RIN2: variants seen among roughly 807,000 people sequenced by gnomAD.
RIN2 encodes Ras and Rab interactor 2.
In RIN2, 36 loss-of-function variants were observed where a neutral mutation model predicts 78.0. The observed-to-expected ratio is 0.46, with a 90% confidence interval of 0.35 to 0.61. The LOEUF (loss-of-function observed/expected upper bound fraction) is 0.61, where lower values mean the gene tolerates loss of function less well. RIN2 is among the 20% of genes least tolerant of loss of function. The pLI, the probability that RIN2 is intolerant of heterozygous loss-of-function variation, is 0.00. For synonymous variants in RIN2, 466 were observed against 466.8 expected (o/e 1.00, Z 0.02); for missense variants, 1,087 against 1,159.7 (o/e 0.94, Z 0.91).
chr20:19,833,669 T>C (rs1379837279), intron 2 of RIN2, among the ~76,000 whole-genome samples: 1 of 152,186 alleles, frequency 6.6e-6, no homozygotes, highest in African/African-American at 2.4e-5. Flanking sequence ...AGTGTAGCAG[T>C]GCGCTTGGGG....
rs777926352 is a variant in RIN2, at chr20:19,970,911, C to T, written c.610C>T (p.Leu204=). 2 of 1,612,946 alleles carry T rather than the reference C, an allele frequency of 1.2e-6. No individual in the cohort carries two copies. Among genetic ancestry groups the T allele is most frequent in the Non-Finnish European group, 1.7e-6 (2 of 1,179,460 alleles). ...TAKSEAQLEE[L]AQMGLNFWSS... ...CAAGTCGGAGGCTCAGCTTGAAGAA[C>T]TGGCCCAGATGGGACTAAGTAAGTG... is the stretch of plus-strand genomic sequence containing the variant. Residue 204 remains leucine, a synonymous_variant, in exon 8 of 13, where the codon CTG becomes TTG. Coordinates refer to ENST00000255006, the MANE Select transcript of RIN2 (RefSeq NM_018993.4).
chr20:19,775,346 A>G (rs965249781), intron 1 of RIN2, among the ~76,000 whole-genome samples: 7 of 152,208 alleles, frequency 4.6e-5, no homozygotes, highest in African/African-American at 1.7e-4. Context: ...CTGCTGGTTC[A>G]TTTCACTAAA....
intron 8 of RIN2, among the ~76,000 whole-genome samples, chr20:19,973,171 C>T (rs899736337): frequency 6.6e-6 from 1 of 152,106 alleles, no homozygotes; most frequent in Non-Finnish European, 1.5e-5. Context: ...AAACGTTTTC[C>T]AGTAACTGAA....
chr20:19,974,504 T>C, intron 8 of RIN2, 150 bp from the exon 9 acceptor site: 1 of 738,622 alleles, frequency 1.4e-6, no homozygotes, highest in East Asian at 2.7e-5. Context: ...CCCTTTCCAG[T>C]AAAGGAATGC....
intron 7 of RIN2, among the ~76,000 whole-genome samples, chr20:19,965,630 G>A (rs972537341): frequency 5.3e-5 from 8 of 151,996 alleles, no homozygotes; most frequent in Non-Finnish European, 8.8e-5. Flanking sequence ...TTTTCTTTTT[G>A]AGATGAAGTC....
At chr20:19,792,939 C>CTG (rs36049213) in intron 1 of RIN2, among the ~76,000 whole-genome samples, 21,022 of 147,038 alleles carry the variant, frequency 0.14, 1,999 homozygotes, top group African/African-American at 0.28. Flanking sequence ...TAAGCAGCCA[C>CTG]TGTGTGTGTG....
chr20:19,901,066 A>C (rs1380008968), intron 3 of RIN2, among the ~76,000 whole-genome samples: 1 of 151,730 alleles, frequency 6.6e-6, no homozygotes, highest in Non-Finnish European at 1.5e-5. Flanking sequence ...ATGTTCACCC[A>C]GGTGGGAGAA....
chr20:19,852,990 C>T (rs1455550371), intron 2 of RIN2, among the ~76,000 whole-genome samples: 3 of 150,990 alleles, frequency 2.0e-5, no homozygotes, highest in Admixed American at 6.6e-5. Flanking sequence ...CCCATTAACT[C>T]GTCATTTACA....
At chr20:19,963,853 GTCTTTT>G (rs2041846373) in intron 6 of RIN2, among the ~76,000 whole-genome samples, 1 of 120,252 alleles carries the variant, frequency 8.3e-6, no homozygotes, top group Non-Finnish European at 1.6e-5. Flanking sequence ...GCCAGTATGT[GTCTTTT>G]TTTTTTTTTT....
intron 1 of RIN2, among the ~76,000 whole-genome samples, chr20:19,782,340 G>A (rs1800690601): frequency 6.6e-6 from 1 of 152,150 alleles, no homozygotes; most frequent in African/African-American, 2.4e-5. Flanking sequence ...TGAGGTGGGT[G>A]GATCACATGA....
intron 9 of RIN2, among the ~76,000 whole-genome samples, chr20:19,978,734 G>A (rs966843765): frequency 6.6e-6 from 1 of 152,174 alleles, no homozygotes; most frequent in African/African-American, 2.4e-5. Flanking sequence ...GCTCGTTCCT[G>A]TGTGTGCCAG....
At chr20:19,838,370 T>G (rs1336241181) in intron 2 of RIN2, among the ~76,000 whole-genome samples, 1 of 152,242 alleles carries the variant, frequency 6.6e-6, no homozygotes, top group Non-Finnish European at 1.5e-5. Context: ...AAAATTAAAG[T>G]ATGATCTACG....
intron 6 of RIN2, among the ~76,000 whole-genome samples, chr20:19,963,339 C>T (rs1167244460): frequency 3.9e-5 from 6 of 152,012 alleles, no homozygotes; most frequent in Non-Finnish European, 8.8e-5. Flanking sequence ...AAGCAGCCGG[C>T]GCAGTGGCTC....
chr20:19,946,163 G>T (rs955833941), intron 4 of RIN2, among the ~76,000 whole-genome samples: 1 of 152,168 alleles, frequency 6.6e-6, no homozygotes, highest in African/African-American at 2.4e-5. Flanking sequence ...CCTGAATATG[G>T]GCTGGGGATG....
At chr20:19,919,893 A>G (rs946437287) in intron 3 of RIN2, among the ~76,000 whole-genome samples, 1 of 152,236 alleles carries the variant, frequency 6.6e-6, no homozygotes, top group Non-Finnish European at 1.5e-5. Flanking sequence ...TAAGTACTCT[A>G]TAAACACATC....
intron 1 of RIN2, among the ~76,000 whole-genome samples, chr20:19,774,225 A>G (rs148933493): frequency 2.4e-3 from 368 of 152,034 alleles, no homozygotes; most frequent in Admixed American, 7.0e-3. Context: ...CTCACCTATC[A>G]CCCCCGAGCA....
At chr20:19,861,243 A>T (rs968814574) in intron 2 of RIN2, among the ~76,000 whole-genome samples, 1 of 151,926 alleles carries the variant, frequency 6.6e-6, no homozygotes, top group Non-Finnish European at 1.5e-5. Flanking sequence ...CAAAAGTCCC[A>T]CCTCCTTATA....
intron 9 of RIN2, among the ~76,000 whole-genome samples, chr20:19,987,752 C>T (rs2042666534): frequency 6.6e-6 from 1 of 152,176 alleles, no homozygotes; most frequent in African/African-American, 2.4e-5. Context: ...CCAATGTAAA[C>T]CAAGTAATTT....
chr20:19,997,261 A>G (rs1015208755), intron 12 of RIN2, among the ~76,000 whole-genome samples: 4 of 152,196 alleles, frequency 2.6e-5, no homozygotes, highest in Non-Finnish European at 5.9e-5. Flanking sequence ...CCCACTCTCC[A>G]AAACAGAAGA....
Sources: gnomAD v4.1 joint callset for allele counts (sites outside exome capture counted in the v4.1 genomes callset) on GRCh38, gnomAD v4.1.1 for gene constraint, MANE v1.5 for transcripts, NCBI Gene and HGNC (gene_info 2026-07-23, HGNC 2026-07-21) for gene names.